The following SCFD2 variants were observed in gnomAD, a reference collection of about 807,000 sequenced individuals.
SCFD2 encodes the protein sec1 family domain containing 2.
A neutral mutation model predicts 58.9 loss-of-function variants in SCFD2; 54 were observed. The observed-to-expected ratio is 0.92, with a 90% confidence interval of 0.74 to 1.15. SCFD2 has a LOEUF of 1.15. Ranked by LOEUF, SCFD2 falls within the 50% of genes most tolerant of loss-of-function variation. The pLI, the probability that SCFD2 is intolerant of heterozygous loss-of-function variation, is 0.00. For synonymous variants in SCFD2, 321 were observed against 335.9 expected (o/e 0.96, Z 0.49); for missense variants, 805 against 836.6 (o/e 0.96, Z 0.47).
intron 5 of SCFD2, among the ~76,000 whole-genome samples, chr4:53,040,359 T>A (rs1198510816): frequency 6.6e-6 from 1 of 152,214 alleles, no homozygotes; most frequent in African/African-American, 2.4e-5. Flanking sequence ...TGAACTTACA[T>A]GAGTCATCTG....
At chr4:53,304,152 G>A (rs1236075847) in intron 3 of SCFD2, among the ~76,000 whole-genome samples, 1 of 151,598 alleles carries the variant, frequency 6.6e-6, no homozygotes, top group Non-Finnish European at 1.5e-5. Context: ...TTAAATATTG[G>A]CCCCTACTCT....
At chr4:53,067,079 G>T (rs879262344) in intron 5 of SCFD2, among the ~76,000 whole-genome samples, 2 of 152,002 alleles carry the variant, frequency 1.3e-5, no homozygotes, top group Non-Finnish European at 2.9e-5. Context: ...TGGTTGGTTA[G>T]GTAATGATAA....
intron 3 of SCFD2, among the ~76,000 whole-genome samples, chr4:53,300,374 G>T (rs752438183): frequency 3.9e-5 from 6 of 152,096 alleles, no homozygotes; most frequent in Non-Finnish European, 7.4e-5. Flanking sequence ...AAGGCTAAAG[G>T]TATCAATTCA....
chr4:53,205,957 A>G (rs1267606045), intron 4 of SCFD2, among the ~76,000 whole-genome samples: 1 of 152,182 alleles, frequency 6.6e-6, no homozygotes, highest in Non-Finnish European at 1.5e-5. Flanking sequence ...AAAAGTAAAT[A>G]TAATCATAGA....
rs189614398 is a variant in SCFD2, at chr4:53,034,813, C to T, written c.1561+110520G>A. 8.5e-5 allele frequency among the ~76,000 whole-genome samples: 13 copies of T among 152,052 alleles called. No homozygotes were observed. In the South Asian group the frequency reaches 1.7e-3, roughly 19 times the overall value. On this transcript the variant is annotated intron_variant, in intron 5 of 8. Transcript: ENST00000401642. ...AGGAGAACTACAAACCACTGCTCAA[C>T]GAAATAAAAGAGGACACAAACAAAT...
chr4:53,015,191 A>C (rs1309477958), intron 5 of SCFD2, among the ~76,000 whole-genome samples: 3 of 152,112 alleles, frequency 2.0e-5, no homozygotes, highest in African/African-American at 7.2e-5. Flanking sequence ...TAACAGAGTA[A>C]ATACAAAAAA....
At chr4:53,076,139 TC>T (rs1315818480) in intron 5 of SCFD2, among the ~76,000 whole-genome samples, 1 of 152,174 alleles carries the variant, frequency 6.6e-6, no homozygotes, top group African/African-American at 2.4e-5. Context: ...TTCTCCTCAG[TC>T]CTAATTTTCA....
chr4:53,142,709 C>A (rs80217909), intron 5 of SCFD2, among the ~76,000 whole-genome samples: 2,396 of 152,294 alleles, frequency 0.016, 70 homozygotes, highest in African/African-American at 0.055. Flanking sequence ...ATCATTTCAG[C>A]AGCTAAGTGA....
intron 4 of SCFD2, among the ~76,000 whole-genome samples, chr4:53,250,914 T>C (rs1169604843): frequency 2.0e-5 from 3 of 151,750 alleles, no homozygotes; most frequent in African/African-American, 7.3e-5. Context: ...CTGAAGGAAA[T>C]AGAGACACAA....
intron 5 of SCFD2, among the ~76,000 whole-genome samples, chr4:53,065,576 A>G (rs149089099): frequency 4.6e-5 from 7 of 152,234 alleles, no homozygotes; most frequent in African/African-American, 1.7e-4. Flanking sequence ...CTGTTTTAAT[A>G]TTAATAATAT....
chr4:53,154,239 C>A (rs1291354904), intron 4 of SCFD2, among the ~76,000 whole-genome samples: 1 of 152,212 alleles, frequency 6.6e-6, no homozygotes, highest in Non-Finnish European at 1.5e-5. Context: ...TAATTTCTCT[C>A]ACAGTTCTGC....
At chr4:53,238,364 C>CCT (rs1729751538) in intron 4 of SCFD2, among the ~76,000 whole-genome samples, 1 of 134,780 alleles carries the variant, frequency 7.4e-6, no homozygotes, top group Non-Finnish European at 1.6e-5. Context: ...CTGATGCCCC[C>CCT]ACCTCCCTCC....
chr4:53,365,612 A>G lies in SCFD2; in HGVS notation c.330T>C (p.Ala110=). The change falls in exon 1 of 9, where the codon GCT becomes GCC. Residue 110 remains alanine, a synonymous_variant. Coordinates refer to ENST00000401642, the MANE Select transcript of SCFD2 (RefSeq NM_152540.4). The surrounding 1 kb of genome is among the most constrained non-coding windows in gnomAD (Gnocchi z 4.3). ...GGACATGATTAGCTGTGAGGTGGAC[A>G]GCGTGGCTCACGGTTGTGACCACCA... ...YCVVVTTVSH[A]VHLTANHVPA... is the part of the protein sequence containing the mutation. 3.7e-6 allele frequency: 6 copies of G among 1,614,230 alleles called. No individual in the cohort carries two copies. Among genetic ancestry groups the G allele is most frequent in the Non-Finnish European group, 5.1e-6 (6 of 1,180,040 alleles).
At chr4:53,151,878 T>C (rs11942888) in intron 4 of SCFD2, among the ~76,000 whole-genome samples, 45,283 of 152,092 alleles carry the variant, frequency 0.3, 6,848 homozygotes, top group East Asian at 0.46. Flanking sequence ...GCAAAGGGGG[T>C]GCTCAGCACA....
intron 5 of SCFD2, among the ~76,000 whole-genome samples, chr4:53,118,713 C>T (rs1157885850): frequency 6.6e-6 from 1 of 152,184 alleles, no homozygotes; most frequent in African/African-American, 2.4e-5. Flanking sequence ...GAAGTAAGAA[C>T]TTGCCAAGGT....
intron 5 of SCFD2, among the ~76,000 whole-genome samples, chr4:52,945,973 T>C (rs1720413921): frequency 6.6e-6 from 1 of 152,196 alleles, no homozygotes; most frequent in African/African-American, 2.4e-5. Context: ...AAAAAGCAAA[T>C]GCTGCATCCT....
intron 4 of SCFD2, among the ~76,000 whole-genome samples, chr4:53,230,326 T>C (rs963237713): frequency 2.6e-5 from 4 of 152,166 alleles, no homozygotes; most frequent in African/African-American, 9.7e-5. Context: ...TGCACATGTA[T>C]GTTTATTGCG....
At chr4:53,318,716 C>T (rs945041293) in intron 2 of SCFD2, among the ~76,000 whole-genome samples, 4 of 151,634 alleles carry the variant, frequency 2.6e-5, no homozygotes, top group African/African-American at 4.8e-5. Context: ...TCAGGCCCAC[C>T]CTAAAAGAGT....
chr4:53,110,546 AAAAC>A (rs972459241), intron 5 of SCFD2, among the ~76,000 whole-genome samples: 7 of 152,104 alleles, frequency 4.6e-5, no homozygotes, highest in African/African-American at 1.2e-4. Flanking sequence ...AATTTACAAG[AAAAC>A]AAACAAACAA....
Sources: allele counts gnomAD v4.1 joint callset (sites outside exome capture counted in the v4.1 genomes callset), GRCh38; gene constraint gnomAD v4.1.1; non-coding constraint Gnocchi (gnomAD v3.1); transcripts MANE v1.5; gene names NCBI Gene and HGNC (gene_info 2026-07-23, HGNC 2026-07-21).